The following KIAA0825 variants were observed in gnomAD, a reference collection of about 807,000 sequenced individuals.
KIAA0825 encodes the protein KIAA0825.
In KIAA0825, 119 loss-of-function variants were observed where a neutral mutation model predicts 147.6. The ratio of observed to expected loss-of-function variants is 0.81; its 90% CI spans 0.69 to 0.94. The LOEUF is 0.94. KIAA0825 is among the 40% of genes least tolerant of loss of function. The pLI is 0.00. For missense variants in KIAA0825, 1,381 were observed against 1,472.7 expected (o/e 0.94, Z 1.02); for synonymous variants, 470 against 518.1 (o/e 0.91, Z 1.26).
At chr5:94,227,551 A>G (rs764500382) in intron 20 of KIAA0825, among the ~76,000 whole-genome samples, 10 of 151,904 alleles carry the variant, frequency 6.6e-5, no homozygotes, top group Non-Finnish European at 1.3e-4. Flanking sequence ...GGATAATAAT[A>G]ATAAAATAAA....
At chr5:94,516,944 T>C (rs1767364037) in intron 5 of KIAA0825, among the ~76,000 whole-genome samples, 2 of 151,636 alleles carry the variant, frequency 1.3e-5, no homozygotes, top group African/African-American at 4.8e-5. Flanking sequence ...CTACTAAAAA[T>C]ACAAAATTAA....
intron 20 of KIAA0825, among the ~76,000 whole-genome samples, chr5:94,190,491 ATTTT>A (rs70975895): frequency 9.4e-6 from 1 of 106,302 alleles, no homozygotes; most frequent in Non-Finnish European, 1.9e-5. Context: ...ACGCCCAGCT[ATTTT>A]TTTTTTTTTT....
chr5:94,565,495 C>T (rs913825981), intron 2 of KIAA0825, among the ~76,000 whole-genome samples: 1 of 151,804 alleles, frequency 6.6e-6, no homozygotes, highest in Non-Finnish European at 1.5e-5. Flanking sequence ...GCGCCCACCA[C>T]CATATCTGGC....
chr5:94,351,156 T>G (rs1199771012), intron 20 of KIAA0825, among the ~76,000 whole-genome samples: 1 of 152,122 alleles, frequency 6.6e-6, no homozygotes, highest in Non-Finnish European at 1.5e-5. Context: ...ATGATAGGAT[T>G]ATTTACCTTG....
intron 1 of KIAA0825, among the ~76,000 whole-genome samples, chr5:94,601,763 A>C (rs1786500254): frequency 6.6e-6 from 1 of 152,250 alleles, no homozygotes; most frequent in African/African-American, 2.4e-5. Flanking sequence ...TATTAATAGC[A>C]GAATACTCCA....
intron 20 of KIAA0825, among the ~76,000 whole-genome samples, chr5:94,163,287 G>A (rs1213862704): frequency 1.3e-5 from 2 of 152,146 alleles, no homozygotes; most frequent in East Asian, 3.9e-4. Flanking sequence ...ACACTGGAAT[G>A]AGACCTTTTG....
At chr5:94,536,849 G>A (rs1018796813) in intron 3 of KIAA0825, 147 bp downstream of exon 3, 6 of 530,112 alleles carry the variant, frequency 1.1e-5, no homozygotes, top group Non-Finnish European at 2.0e-5. Flanking sequence ...AACTTTAAGT[G>A]AGAGGGGGGT....
At chr5:94,467,567 C>G (rs551680703) in intron 10 of KIAA0825, among the ~76,000 whole-genome samples, 115 of 152,308 alleles carry the variant, frequency 7.6e-4, no homozygotes, top group African/African-American at 2.7e-3. Flanking sequence ...CCATCGTGAC[C>G]AGCACCTCAT....
At chr5:94,565,821 A>G (rs183874644) in intron 2 of KIAA0825, among the ~76,000 whole-genome samples, 37 of 152,356 alleles carry the variant, frequency 2.4e-4, no homozygotes, top group African/African-American at 7.9e-4. Context: ...ATAGGTATAC[A>G]GTGTGGAAAG....
chr5:94,494,603 G>C (rs1446075857), intron 5 of KIAA0825, among the ~76,000 whole-genome samples: 1 of 151,804 alleles, frequency 6.6e-6, no homozygotes, highest in Non-Finnish European at 1.5e-5. Flanking sequence ...TGATAAAATG[G>C]GTTTTAAATT....
In KIAA0825 at chr5:94,187,858, A is replaced by T. The variant is rs558451459; in HGVS notation, c.3711-33734T>A. ...TTAACACAACAGCCTCAACTGTCAA[A>T]GAAAACAAATGGAGCACAATGTACA... On this transcript the variant is annotated intron_variant, in intron 20 of 20. Transcript: ENST00000682413. 1.7e-4 allele frequency among the ~76,000 whole-genome samples: 26 copies of T among 152,330 alleles called. No individual in the cohort carries two copies. In the South Asian group the frequency reaches 4.1e-3, roughly 24 times the overall value.
intron 1 of KIAA0825, among the ~76,000 whole-genome samples, chr5:94,595,931 T>C (rs1785226686): frequency 6.6e-6 from 1 of 152,208 alleles, no homozygotes; most frequent in African/African-American, 2.4e-5. Context: ...TAACAAGAGT[T>C]ATCATTGCTC....
At chr5:94,191,568 TTTAAA>T (rs1263160123) in intron 20 of KIAA0825, among the ~76,000 whole-genome samples, 1 of 152,198 alleles carries the variant, frequency 6.6e-6, no homozygotes, top group African/African-American at 2.4e-5. Flanking sequence ...TAAATCCATA[TTTAAA>T]TTAAGTTTCT....
At chr5:94,535,493 CAAAAA>C (rs11362220) in intron 3 of KIAA0825, among the ~76,000 whole-genome samples, 2 of 32,148 alleles carry the variant, frequency 6.2e-5, no homozygotes, top group East Asian at 1.5e-3. Flanking sequence ...CTGGGTGACT[CAAAAA>C]AAAAAAAAAA....
At chr5:94,313,931 AG>A (rs1299274576) in intron 20 of KIAA0825, among the ~76,000 whole-genome samples, 3 of 151,630 alleles carry the variant, frequency 2.0e-5, no homozygotes, top group Non-Finnish European at 3.0e-5. Context: ...AGTATCAATC[AG>A]TCCACGATCA....
intron 20 of KIAA0825, among the ~76,000 whole-genome samples, chr5:94,170,571 G>C (rs1005299551): frequency 6.6e-6 from 1 of 152,234 alleles, no homozygotes; most frequent in Admixed American, 6.5e-5. Flanking sequence ...GTCTGGCTCA[G>C]TGGCATCAAG....
chr5:94,503,088 G>T (rs10040062), intron 5 of KIAA0825, among the ~76,000 whole-genome samples: 7 of 142,452 alleles, frequency 4.9e-5, no homozygotes, highest in African/African-American at 1.7e-4. Flanking sequence ...ATATATATAT[G>T]ATATATATAT....
At chr5:94,610,437 AAAAG>A (rs1213999929) in intron 1 of KIAA0825, among the ~76,000 whole-genome samples, 3 of 148,450 alleles carry the variant, frequency 2.0e-5, no homozygotes, top group African/African-American at 7.5e-5. Context: ...AAAAAAAAAA[AAAAG>A]AAAAAGAAAA....
At chr5:94,391,778 T>G in intron 17 of KIAA0825, 84 bp from the exon 18 acceptor site, 1 of 1,157,580 alleles carries the variant, frequency 8.6e-7, no homozygotes, top group Non-Finnish European at 1.2e-6. Flanking sequence ...TGTGGAGAGT[T>G]GATGTAAATC....
Sources: allele counts gnomAD v4.1 joint callset (sites outside exome capture counted in the v4.1 genomes callset), GRCh38; gene constraint gnomAD v4.1.1; transcripts MANE v1.5; gene names NCBI Gene and HGNC (gene_info 2026-07-23, HGNC 2026-07-21).